The following DBX2 variants were observed in gnomAD, a reference collection of about 807,000 sequenced individuals.
The protein encoded by DBX2 is developing brain homeobox 2, also known as homeobox protein DBX2.
In DBX2, 16 loss-of-function variants were observed where a neutral mutation model predicts 17.7. The ratio of observed to expected loss-of-function variants is 0.90; its 90% CI spans 0.61 to 1.37. DBX2 has a LOEUF of 1.37. Ranked by LOEUF, DBX2 falls within the 40% of genes most tolerant of loss-of-function variation. The probability of loss-of-function intolerance (pLI) is 0.00; values close to 1 mark genes in which losing one functional copy is unlikely to be tolerated. For missense variants in DBX2, 538 were observed against 433.8 expected (o/e 1.24, Z -2.13); for synonymous variants, 255 against 183.8 (o/e 1.39, Z -3.13).
At position 45,045,398 on chromosome 12, in the gene DBX2, T is replaced by C. The variant is rs78402305; in HGVS notation, c.403+5127A>G. Among the ~76,000 whole-genome samples the C allele has an allele frequency of 6.1e-3, 927 of 152,326 alleles. 34 individuals carry two copies. In the East Asian group the frequency reaches 0.13, roughly 21 times the overall value. On this transcript the variant is annotated intron_variant, in intron 1 of 3. Coordinates refer to ENST00000332700, the MANE Select transcript of DBX2 (RefSeq NM_001004329.3). Reference sequence around the variant, plus strand: ...ATTTGTTTAAATGTTTTAAATAACATTTCATTTTTGTATAAACTTTCATAG... The same window carrying C: ...ATTTGTTTAAATGTTTTAAATAACACTTCATTTTTGTATAAACTTTCATAG...
intron 2 of DBX2, among the ~76,000 whole-genome samples, chr12:45,033,736 T>C (rs769889880): frequency 1.4e-4 from 21 of 152,176 alleles, no homozygotes; most frequent in Non-Finnish European, 2.9e-4. Flanking sequence ...AAATGCCAAC[T>C]TTAGAAATGA....
intron 3 of DBX2, among the ~76,000 whole-genome samples, chr12:45,017,521 C>T (rs536716637): frequency 4.4e-4 from 67 of 152,272 alleles, no homozygotes; most frequent in African/African-American, 1.6e-3. Flanking sequence ...ATTAAGAATC[C>T]ATTTTGTAAT....
chr12:45,034,128 C>A (rs12297436), intron 2 of DBX2, among the ~76,000 whole-genome samples: 1 of 149,980 alleles, frequency 6.7e-6, no homozygotes, highest in Non-Finnish European at 1.5e-5. Context: ...ACACCCACAC[C>A]CACACACACA....
At chr12:45,033,009 A>G (rs1946418147) in intron 2 of DBX2, among the ~76,000 whole-genome samples, 1 of 152,200 alleles carries the variant, frequency 6.6e-6, no homozygotes, top group South Asian at 2.1e-4. Context: ...TGGGTGAGGG[A>G]AGAACTGTTA....
chr12:45,018,768 A>T (rs2137017554), intron 3 of DBX2, among the ~76,000 whole-genome samples: 1 of 152,232 alleles, frequency 6.6e-6, no homozygotes, highest in South Asian at 2.1e-4. Flanking sequence ...TAAATGGATA[A>T]ATAAAATGTG....
At chr12:45,018,679 G>T (rs1020265922) in intron 3 of DBX2, among the ~76,000 whole-genome samples, 1 of 151,996 alleles carries the variant, frequency 6.6e-6, no homozygotes, top group African/African-American at 2.4e-5. Flanking sequence ...AAATCTAAAT[G>T]ATATTTGTAC....
rs1946522914 is a variant in DBX2, at chr12:45,050,326, A to G, written c.403+199T>C. ...GGAATGGGATGGGATGGGGCAAAAA[A>G]GAATCACAGAAAGTGGTGTGCCTCC... On this transcript the variant is annotated intron_variant, in intron 1 of 3. Transcript: ENST00000332700. Among the ~76,000 whole-genome samples the G allele has an allele frequency of 2.0e-5, 3 of 152,248 alleles. No individual in the cohort carries two copies. The South Asian group carries it at 6.2e-4, about 32-fold the overall frequency.
chr12:45,028,262 T>C (rs955193375), intron 2 of DBX2, among the ~76,000 whole-genome samples: 2 of 152,230 alleles, frequency 1.3e-5, no homozygotes, highest in Non-Finnish European at 2.9e-5. Flanking sequence ...GTTTAGGTTA[T>C]AACTTGTGAA....
chr12:45,034,450 C>T (rs1240246374), intron 2 of DBX2, among the ~76,000 whole-genome samples: 1 of 152,158 alleles, frequency 6.6e-6, no homozygotes. Flanking sequence ...TTCAATTGCC[C>T]TCACAGGAGA....
intron 1 of DBX2, among the ~76,000 whole-genome samples, chr12:45,037,288 A>G (rs1946446022): frequency 6.6e-6 from 1 of 152,214 alleles, no homozygotes; most frequent in Admixed American, 6.5e-5. Flanking sequence ...ATATAACTGT[A>G]GGTGGAGATT....
rs202215237 is a variant in DBX2 at position 45,050,867 on chromosome 12, C to G, written c.61G>C (p.Ala21Pro). The G allele has an allele frequency of 2.0e-5, 31 of 1,533,460 alleles. No individual in the cohort carries two copies. The highest frequency in any genetic ancestry group is 2.7e-5 in the Non-Finnish European group (31 of 1,143,344). The allele number at this position is 1,533,460 out of a possible 1,614,324, so 95.0% of individuals were successfully genotyped here. A position where few individuals can be genotyped will look rare whatever the true frequency, so the allele number is the denominator to read the frequency against. Residue 21 changes from alanine (A) to proline (P), a missense_variant, in exon 1 of 4, where the codon GCG becomes CCG. By Grantham distance (27) the Ala-to-Pro change is conservative. Transcript: ENST00000332700. Reference sequence around the variant, plus strand: ...GGCGCAGCGGGGAGGTTGAGGAGCGCGGAGGAAGCCACAACGTCCCAGTAC... The same window carrying G: ...GGCGCAGCGGGGAGGTTGAGGAGCGGGGAGGAAGCCACAACGTCCCAGTAC... ...GAYWDVVASSALLNLPAAPGF... is the reference protein window; with the variant it reads ...GAYWDVVASSPLLNLPAAPGF...
At position 45,036,068 on chromosome 12, in the gene DBX2, C is replaced by T. The variant is rs372280888; in HGVS notation, c.450G>A (p.Ala150=). 2.2e-5 allele frequency: 36 copies of T among 1,613,682 alleles called. No individual in the cohort carries two copies. The highest frequency in any genetic ancestry group is 5.0e-5 in the Admixed American group (3 of 59,960). The change falls in exon 2 of 4, where the codon GCG becomes GCA. Residue 150 remains alanine (A), a synonymous_variant. Coordinates refer to ENST00000332700, the MANE Select transcript of DBX2 (RefSeq NM_001004329.3). ...GGCGCCGACAGGACCCACCGCAGCA[C>T]GCCGAGTAGAATGGCGGGGTGCTCA... ...FLLSTPPFYS[A]CCGGSCRRPA... is the part of the protein sequence containing the mutation.
intron 1 of DBX2, among the ~76,000 whole-genome samples, chr12:45,043,857 G>A (rs749546430): frequency 1.2e-4 from 18 of 152,262 alleles, no homozygotes; most frequent in East Asian, 7.7e-4. Context: ...TTACCAGTGC[G>A]CTTTTGAGGT....
rs541066920 is a variant in DBX2 at position 45,023,805 on chromosome 12, G to A, written c.589C>T (p.Gln197Ter). The change falls in exon 3 of 4, where the codon CAG becomes TAG. Residue 197 changes from glutamine to a stop codon, truncating the protein, a stop_gained. Coordinates refer to ENST00000332700, the MANE Select transcript of DBX2 (RefSeq NM_001004329.3). LOFTEE classifies it high-confidence loss of function. Reference protein sequence around the residue: ...ILRRAVFSEDQRKALEKMFQK... With the variant: ...ILRRAVFSED ...AACATTTTCTCCAGAGCCTTTCTCTGGTCCTCAGAAAAGACAGCTCTTCTT... is the reference window on the plus strand; with the variant it reads ...AACATTTTCTCCAGAGCCTTTCTCTAGTCCTCAGAAAAGACAGCTCTTCTT... 1.2e-6 allele frequency: 2 copies of A among 1,612,438 alleles called. No homozygotes were observed. The highest frequency in any genetic ancestry group is 1.7e-6 in the Non-Finnish European group (2 of 1,179,372).
rs1946323521 is a variant in DBX2, at chr12:45,016,390, T to C, written c.916A>G (p.Ser306Gly). The change falls in exon 4 of 4, where the codon AGT becomes GGT. Residue 306 changes from serine (S) to glycine (G), a missense_variant. Physicochemically the swap from Ser to Gly is moderately conservative, Grantham distance 56. Transcript: ENST00000332700. ...GCTTCTGGGGGTGGTGCCCCTGAAC[T>C]CTCCTGGATTAGTCTTTCTGAAGGT... is the stretch of plus-strand genomic sequence containing the variant. ...PEPSERLIQE[S>G]SGAPPPEANS... 1.2e-6 allele frequency: 2 copies of C among 1,613,808 alleles called. No individual in the cohort carries two copies. Among genetic ancestry groups the C allele is most frequent in the Non-Finnish European group, 1.7e-6 (2 of 1,179,902 alleles).
intron 2 of DBX2, among the ~76,000 whole-genome samples, chr12:45,024,966 G>T (rs537728713): frequency 6.6e-6 from 1 of 152,174 alleles, no homozygotes; most frequent in African/African-American, 2.4e-5. Flanking sequence ...CACAATACTG[G>T]TTCCCATGCT....
chr12:45,039,267 T>G (rs1946456348), intron 1 of DBX2, among the ~76,000 whole-genome samples: 1 of 127,854 alleles, frequency 7.8e-6, no homozygotes. Flanking sequence ...AACAATGCAC[T>G]GCATTGAAGG....
chr12:45,027,924 G>A (rs1393836804), intron 2 of DBX2, among the ~76,000 whole-genome samples: 1 of 152,214 alleles, frequency 6.6e-6, no homozygotes, highest in Non-Finnish European at 1.5e-5. Context: ...AATACAGACA[G>A]CCACAATACA....
chr12:45,045,002 G>A (rs1495033), intron 1 of DBX2, among the ~76,000 whole-genome samples: 65,588 of 151,908 alleles, frequency 0.43, 14,516 homozygotes, highest in South Asian at 0.66. Flanking sequence ...GGCCTGGTAA[G>A]TATGTTATAT....
Sources: allele counts gnomAD v4.1 joint callset (sites outside exome capture counted in the v4.1 genomes callset), GRCh38; gene constraint gnomAD v4.1.1; transcripts MANE v1.5; gene names NCBI Gene and HGNC (gene_info 2026-07-23, HGNC 2026-07-21).